The following BLNK variants were observed in gnomAD, a reference collection of about 807,000 sequenced individuals.
BLNK encodes the protein B-cell linker protein.
A neutral mutation model predicts 73.5 loss-of-function variants in BLNK; 29 were observed. The ratio of observed to expected loss-of-function variants is 0.39; its 90% CI spans 0.29 to 0.54. The LOEUF is 0.54. Among genes scored for constraint, BLNK ranks in the 20% least tolerant of loss-of-function variants. The pLI, the probability that BLNK is intolerant of heterozygous loss-of-function variation, is 0.61. For synonymous variants in BLNK, 176 were observed against 200.8 expected, an observed-to-expected ratio of 0.88 and a Z score of 1.04; for missense variants, 460 against 562.8, an observed-to-expected ratio of 0.82 and a Z score of 1.85.
At chr10:96,246,906 A>T (rs547633106) in intron 2 of BLNK, 78 bp downstream of exon 2, 43 of 1,086,640 alleles carry the variant, frequency 4.0e-5, no homozygotes, top group Non-Finnish European at 5.7e-5. Context: ...TCCAGGTAAC[A>T]GAGAAATTTG....
chr10:96,216,247 CAG>C (rs1431591151), intron 7 of BLNK: 1 of 230,622 alleles, frequency 4.3e-6, no homozygotes, highest in African/African-American at 2.2e-5. Flanking sequence ...AACCAGGACT[CAG>C]GGCATATTTC....
At chr10:96,235,998 A>G (rs1842675312) in intron 3 of BLNK, among the ~76,000 whole-genome samples, 1 of 152,072 alleles carries the variant, frequency 6.6e-6, no homozygotes, top group African/African-American at 2.4e-5. Context: ...GAACTCAGGC[A>G]TGGAAAGACG....
chr10:96,250,855 G>A (rs1482973771), intron 1 of BLNK, among the ~76,000 whole-genome samples: 2 of 152,130 alleles, frequency 1.3e-5, no homozygotes, highest in African/African-American at 2.4e-5. Flanking sequence ...TATAATTACA[G>A]TAAGTTACTG....
chr10:96,215,647 C>G (rs782125406), intron 7 of BLNK, among the ~76,000 whole-genome samples: 1 of 152,116 alleles, frequency 6.6e-6, no homozygotes, highest in Non-Finnish European at 1.5e-5. Flanking sequence ...TGATAGAGAT[C>G]TTGTTAAAGT....
intron 4 of BLNK, among the ~76,000 whole-genome samples, chr10:96,229,817 A>AT (rs1294171767): frequency 1.3e-5 from 2 of 151,158 alleles, no homozygotes; most frequent in Non-Finnish European, 2.9e-5. Context: ...CCTTCCCCTC[A>AT]TTTTTCTTTT....
rs145486903 is a variant in BLNK at position 96,220,525 on chromosome 10, T to C, written c.525+3301A>G. Among the ~76,000 whole-genome samples the C allele has an allele frequency of 3.5e-3, 528 of 152,346 alleles. 2 individuals are homozygous for C. Among genetic ancestry groups the C allele is most frequent in the African/African-American group, 0.012 (493 of 41,568 alleles). ...GCATTGCAATTCAATGCTTTAACGT[T>C]GTTATTGCTGAAATAAGTAAATGAC... is the stretch of plus-strand genomic sequence containing the variant. On this transcript the variant is annotated intron_variant, in intron 6 of 16. Coordinates refer to ENST00000224337, the MANE Select transcript of BLNK (RefSeq NM_013314.4).
chr10:96,227,823 C>T lies in BLNK; in HGVS notation c.205-257G>A, dbSNP rs11188670. On this transcript the variant is annotated intron_variant, in intron 4 of 16. Coordinates refer to ENST00000224337, the MANE Select transcript of BLNK (RefSeq NM_013314.4). ...TACTTAACGCTAATGGGAGCTGACA[C>T]TCTGTAGATCCACAACAAATAACAA... Among the ~76,000 whole-genome samples the T allele has an allele frequency of 2.5e-3, 383 of 152,294 alleles. 2 individuals carry two copies. Among genetic ancestry groups the T allele is most frequent in the African/African-American group, 9.0e-3 (373 of 41,566 alleles).
At chr10:96,255,725 G>A (rs1843479654) in intron 1 of BLNK, among the ~76,000 whole-genome samples, 1 of 152,122 alleles carries the variant, frequency 6.6e-6, no homozygotes, top group Admixed American at 6.5e-5. Flanking sequence ...CCTCCTCTCT[G>A]AGCCAAGATC....
Position 96,216,704 on chromosome 10 carries a change from C to T in BLNK, c.556G>A (p.Asp186Asn). The change falls in exon 7 of 17, where the codon GAT becomes AAT. Residue 186 changes from aspartate to asparagine, a missense_variant. This residue lies in a region of BLNK where 233 missense variants were observed against 232.1 expected (regional missense o/e 1.00). Coordinates refer to ENST00000224337, the MANE Select transcript of BLNK (RefSeq NM_013314.4). The part of the protein sequence containing the change: ...ADYVVPVEDN[D>N]ENYIHPTESS... ...TCTGTGGGATGAATATAGTTTTCAT[C>T]ATTATCTTCCACGGGGACCACATAA... 6.2e-7 allele frequency: 1 copy of T among 1,614,110 alleles called. No homozygotes were observed. The highest frequency in any genetic ancestry group is 8.5e-7 in the Non-Finnish European group (1 of 1,179,978).
chr10:96,210,090 A>G (rs939793297), intron 8 of BLNK, 183 bp from the exon 9 acceptor site: 90 of 679,438 alleles, frequency 1.3e-4, no homozygotes, highest in Non-Finnish European at 2.2e-4. Flanking sequence ...GTGATGACAC[A>G]TTTTAAAAGT....
chr10:96,204,705 T>G, intron 11 of BLNK, 89 bp from the exon 12 acceptor site: 2 of 1,218,776 alleles, frequency 1.6e-6, no homozygotes, highest in Non-Finnish European at 2.4e-6. Flanking sequence ...AAGAACCAAA[T>G]TTGATCAGAA....
chr10:96,249,457 C>T (rs1381299560), intron 1 of BLNK, among the ~76,000 whole-genome samples: 1 of 152,250 alleles, frequency 6.6e-6, no homozygotes, highest in Non-Finnish European at 1.5e-5. Flanking sequence ...CTAAACAATG[C>T]AGCCATGCTG....
At chr10:96,207,805 T>C in intron 10 of BLNK, 67 bp downstream of exon 10, 1 of 1,584,198 alleles carries the variant, frequency 6.3e-7, no homozygotes, top group Non-Finnish European at 8.7e-7. Context: ...TTTTCAACTT[T>C]AAATAAATGG....
chr10:96,233,307 T>C (rs1842574812), intron 3 of BLNK, among the ~76,000 whole-genome samples: 1 of 152,216 alleles, frequency 6.6e-6, no homozygotes, highest in Non-Finnish European at 1.5e-5. Flanking sequence ...GTGAAAGTAG[T>C]GCATTAGCCA....
chr10:96,190,138 T>A lies in BLNK; in HGVS notation c.*1835A>T, dbSNP rs2083305824. 17 of 988,622 alleles carry A rather than the reference T, an allele frequency of 1.7e-5. No individual in the cohort carries two copies. Among genetic ancestry groups the A allele is most frequent in the Admixed American group, 1.0e-4 (6 of 58,852 alleles). 61.2% of individuals were successfully genotyped at this position (988,622 alleles called of 1,614,324 possible). A position where few individuals can be genotyped will look rare whatever the true frequency, so the allele number is the denominator to read the frequency against. On this transcript the variant is annotated 3_prime_UTR_variant, in exon 17 of 17. Transcript: ENST00000224337. ...ATCATTATCCACCTTAAAGTGATCA[T>A]CTTTGTCGGCCTTTAGTTCACAACT...
chr10:96,260,622 G>A (rs1292726369), intron 1 of BLNK, among the ~76,000 whole-genome samples: 1 of 152,110 alleles, frequency 6.6e-6, no homozygotes, highest in South Asian at 2.1e-4. Context: ...GCAGGTAAAA[G>A]CAAAGATATT....
chr10:96,253,913 C>T (rs965000832), intron 1 of BLNK, among the ~76,000 whole-genome samples: 10 of 151,484 alleles, frequency 6.6e-5, no homozygotes, highest in African/African-American at 2.2e-4. Flanking sequence ...CCCAGCTACT[C>T]GGGAGGCTGA....
chr10:96,268,549 T>C (rs546179900), intron 1 of BLNK, among the ~76,000 whole-genome samples: 16 of 152,140 alleles, frequency 1.1e-4, no homozygotes, highest in Non-Finnish European at 1.3e-4. Flanking sequence ...CTCTCTGTGG[T>C]CACAAGCAAC....
intron 1 of BLNK, among the ~76,000 whole-genome samples, chr10:96,264,713 A>G (rs1843915080): frequency 6.6e-6 from 1 of 152,218 alleles, no homozygotes; most frequent in African/African-American, 2.4e-5. Flanking sequence ...GGCCACAGGG[A>G]GACCAGACAA....
Sources: gnomAD v4.1 joint callset for allele counts (sites outside exome capture counted in the v4.1 genomes callset) on GRCh38, gnomAD v4.1.1 for gene constraint, gnomAD v4.1.1 regional missense constraint, MANE v1.5 for transcripts, NCBI Gene and HGNC (gene_info 2026-07-23, HGNC 2026-07-21) for gene names.